Variants in NOTCH2 observed in about 807,000 individuals in gnomAD.
The protein encoded by NOTCH2 is neurogenic locus notch homolog protein 2.
In NOTCH2, 29 loss-of-function variants were observed where a neutral mutation model predicts 235.8. The observed-to-expected ratio is 0.12, with a 90% CI of 0.09 to 0.17. The LOEUF (loss-of-function observed/expected upper bound fraction) is 0.17, where lower values mean the gene tolerates loss of function less well. Ranked by LOEUF, NOTCH2 falls within the 10% of genes least tolerant of loss-of-function variation. The pLI, the probability that NOTCH2 is intolerant of heterozygous loss-of-function variation, is 1.00. For missense variants in NOTCH2, 2,285 were observed against 3,150.2 expected (o/e 0.73, Z 6.57); for synonymous variants, 1,086 against 1,141.5 (o/e 0.95, Z 0.98).
At chr1:119,964,559 T>A (rs931072569) in intron 10 of NOTCH2, among the ~76,000 whole-genome samples, 2 of 152,220 alleles carry the variant, frequency 1.3e-5, no homozygotes, top group Non-Finnish European at 2.9e-5. Flanking sequence ...AAGTGGCTCA[T>A]CTGAGTTGTC....
rs1131692007 is a variant in NOTCH2 at position 120,005,329 on chromosome 1, C to G, written c.415G>C (p.Gly139Arg). ...CACTGGCTTTGGTCTCATTAGTTAC[C>G]TGTAAACCCGACTTGACAGGTGCAC... is the stretch of plus-strand genomic sequence containing the variant. ...YECTCQVGFTGKECQWTDACL... is the reference protein window; with the variant it reads ...YECTCQVGFTRKECQWTDACL... Residue 139 changes from glycine (G) to arginine (R), a missense_variant and splice_region_variant, in exon 3 of 34, where the codon GGT becomes CGT. This residue lies in a region of NOTCH2 where 431 missense variants were observed against 757.8 expected (regional missense o/e 0.57). Coordinates refer to ENST00000256646, the MANE Select transcript of NOTCH2 (RefSeq NM_024408.4). 6 of 1,614,036 alleles carry G rather than the reference C, an allele frequency of 3.7e-6. No individual in the cohort carries two copies. The highest frequency in any genetic ancestry group is 5.1e-6 in the Non-Finnish European group (6 of 1,179,874).
chr1:119,918,323 C>T, intron 32 of NOTCH2, 83 bp downstream of exon 32: 8 of 1,487,980 alleles, frequency 5.4e-6, no homozygotes, highest in East Asian at 2.3e-5. Flanking sequence ...TCAGGCAGTT[C>T]TCTAAGGGTC....
chr1:119,918,613 C>CA, intron 31 of NOTCH2, 60 bp from the exon 32 acceptor site: 1 of 1,574,042 alleles, frequency 6.4e-7, no homozygotes, highest in East Asian at 2.2e-5. Flanking sequence ...TAATGAAACT[C>CA]AGTGAAGAAA....
chr1:119,974,177 A>G (rs1651474594), intron 5 of NOTCH2, among the ~76,000 whole-genome samples: 1 of 152,240 alleles, frequency 6.6e-6, no homozygotes, highest in African/African-American at 2.4e-5. Context: ...TAAATCTTCA[A>G]TACAAACAAG....
chr1:119,916,251 A>C lies in NOTCH2; in HGVS notation c.6471T>G (p.Pro2157=), dbSNP rs898051407. ...TLSPVDSLES[P]HTYVSDTTSS... is the part of the protein sequence containing the mutation. The stretch of plus-strand genomic sequence containing the variant: ...ATGTGGTGTCGGAAACATACGTGTG[A>C]GGAGATTCTAGGGAATCAACAGGGG... Residue 2157 remains proline, a synonymous_variant, in exon 34 of 34, where the codon CCT becomes CCG. Transcript: ENST00000256646. 1.2e-6 allele frequency: 2 copies of C among 1,614,232 alleles called. No homozygotes were observed. The highest frequency in any genetic ancestry group is 3.3e-5 in the Admixed American group (2 of 60,032).
At position 119,913,140 on chromosome 1, in the gene NOTCH2, G is replaced by A. The variant is rs1233473483; in HGVS notation, c.*2166C>T. 4 of 233,204 alleles carry A rather than the reference G, an allele frequency of 1.7e-5. No homozygotes were observed. Among genetic ancestry groups the A allele is most frequent in the Non-Finnish European group, 3.4e-5 (4 of 118,080 alleles). 14.4% of individuals were successfully genotyped at this position (233,204 alleles called of 1,614,324 possible). A position where few individuals can be genotyped will look rare whatever the true frequency, so the allele number is the denominator to read the frequency against. On this transcript the variant is annotated 3_prime_UTR_variant, in exon 34 of 34. Transcript: ENST00000256646. ...TAATAAATGGGTCCAAGGGCAGAGA[G>A]TCACCATTTAGAATGATAAAATGTT...
intron 31 of NOTCH2, among the ~76,000 whole-genome samples, 171 bp downstream of exon 31, chr1:119,919,141 T>C (rs1649185266): frequency 6.6e-6 from 1 of 152,216 alleles, no homozygotes; most frequent in African/African-American, 2.4e-5. Context: ...GCTAGGTCAA[T>C]TTGCCTGCCT....
intron 4 of NOTCH2, among the ~76,000 whole-genome samples, chr1:119,989,095 A>T (rs1476514302): frequency 6.6e-6 from 1 of 152,226 alleles, no homozygotes; most frequent in African/African-American, 2.4e-5. Context: ...AGCTAAAAGC[A>T]TGGCTTCTGG....
At chr1:120,029,137 T>A (rs1653991252) in intron 2 of NOTCH2, among the ~76,000 whole-genome samples, 1 of 149,002 alleles carries the variant, frequency 6.7e-6, no homozygotes, top group Admixed American at 6.7e-5. Flanking sequence ...CATGCACACA[T>A]CTTCCTCTCT....
chr1:120,057,082 T>C (rs1158844244), intron 1 of NOTCH2, among the ~76,000 whole-genome samples: 1 of 121,800 alleles, frequency 8.2e-6, no homozygotes, highest in Non-Finnish European at 1.5e-5. Flanking sequence ...GATGTTCCTA[T>C]TTCCTCATGA....
chr1:120,027,583 C>G (rs1653913845), intron 2 of NOTCH2, among the ~76,000 whole-genome samples: 1 of 151,400 alleles, frequency 6.6e-6, no homozygotes, highest in African/African-American at 2.4e-5. Flanking sequence ...AGGTTTTAAG[C>G]CCCACGTGCA....
intron 1 of NOTCH2, among the ~76,000 whole-genome samples, chr1:120,045,840 C>G (rs1267585344): frequency 1.1e-4 from 17 of 152,388 alleles, no homozygotes; most frequent in African/African-American, 4.1e-4. Flanking sequence ...AATTTACATT[C>G]TGGACCAGTG....
At position 119,997,112 on chromosome 1, in the gene NOTCH2, G is replaced by T. The variant is rs781944624; in HGVS notation, c.636C>A (p.Gly212=). The change falls in exon 4 of 34, where the codon GGC becomes GGA. Residue 212 remains glycine, a synonymous_variant. Coordinates refer to ENST00000256646, the MANE Select transcript of NOTCH2 (RefSeq NM_024408.4). The part of the protein sequence containing the change: ...PGSYQCQCPQ[G]FTGQYCDSLY... ...GGCTGTCACAGTACTGGCCTGTGAA[G>T]CCCTGAGGGCACTGGCACTGGTAGG... is the stretch of plus-strand genomic sequence containing the variant. The T allele has an allele frequency of 1.9e-5, 30 of 1,613,916 alleles. 1 individual carries two copies. The South Asian group carries it at 2.0e-4, about 11-fold the overall frequency.
Position 119,937,321 on chromosome 1 carries a change from C to T in NOTCH2, c.3483G>A (p.Gly1161=), listed in dbSNP as rs559521880. Residue 1161 remains glycine (G), a synonymous_variant, in exon 21 of 34, where the codon GGG becomes GGA. Coordinates refer to ENST00000256646, the MANE Select transcript of NOTCH2 (RefSeq NM_024408.4). The part of the protein sequence containing the change: ...DECASNPCQH[G]ATCSDFIGGY... ...CACCAATGAAGTCACTGCATGTTGCCCCGTGCTGGCAGGGGTTGGACGCAC... is the reference window on the plus strand; with the variant it reads ...CACCAATGAAGTCACTGCATGTTGCTCCGTGCTGGCAGGGGTTGGACGCAC... The T allele has an allele frequency of 3.7e-6, 6 of 1,613,962 alleles. No homozygotes were observed. Among genetic ancestry groups the T allele is most frequent in the African/African-American group, 1.3e-5 (1 of 75,052 alleles).
intron 13 of NOTCH2, among the ~76,000 whole-genome samples, chr1:119,954,805 C>A (rs1650619154): frequency 6.6e-6 from 1 of 152,194 alleles, no homozygotes; most frequent in Admixed American, 6.5e-5. Context: ...TTGCTAATGA[C>A]CCATATAAGG....
chr1:119,922,792 AG>A lies in NOTCH2; in HGVS notation c.4860-15del. On this transcript the variant is annotated splice_polypyrimidine_tract_variant and intron_variant, in intron 26 of 33. Coordinates refer to ENST00000256646, the MANE Select transcript of NOTCH2 (RefSeq NM_024408.4). ...AAGACTTTAGAGCTGTGGGATGCCAAGGGAGAAGCGGAGGAGGAGAGATGGG... is the reference window on the plus strand; with the variant it reads ...AAGACTTTAGAGCTGTGGGATGCCAAGGAGAAGCGGAGGAGGAGAGATGGG... 1.2e-6 allele frequency: 2 copies of A among 1,614,054 alleles called. No homozygotes were observed. Among genetic ancestry groups the A allele is most frequent in the Non-Finnish European group, 1.7e-6 (2 of 1,180,038 alleles).
intron 4 of NOTCH2, chr1:119,996,308 G>T (rs1202499268): frequency 9.8e-6 from 3 of 304,818 alleles, no homozygotes; most frequent in African/African-American, 2.2e-5. Context: ...TAGAACACTT[G>T]TATCAGTGAA....
rs782173943 is a variant in NOTCH2, at chr1:120,069,620, G to C, written c.-214C>G. 0.043 allele frequency: 60,955 copies of C among 1,405,442 alleles called. 1,480 individuals are homozygous for C. Among genetic ancestry groups the C allele is most frequent in the Non-Finnish European group, 0.049 (53,320 of 1,087,418 alleles). 87.1% of individuals were successfully genotyped at this position (1,405,442 alleles called of 1,614,324 possible). On this transcript the variant is annotated 5_prime_UTR_variant, in exon 1 of 34. Coordinates refer to ENST00000256646, the MANE Select transcript of NOTCH2 (RefSeq NM_024408.4). ...TCGGCCGCCGCCTCAGCCGCCGCCCGAAGTTTGGCTGAAACTTTCTCGGGT... is the reference window on the plus strand; with the variant it reads ...TCGGCCGCCGCCTCAGCCGCCGCCCCAAGTTTGGCTGAAACTTTCTCGGGT...
At position 120,041,041 on chromosome 1, in the gene NOTCH2, C is replaced by CAAA. The variant is rs71586698; in HGVS notation, c.74-11057_74-11055dup. 5.2e-3 allele frequency among the ~76,000 whole-genome samples: 82 copies of CAAA among 15,676 alleles called. 7 individuals carry two copies. Among genetic ancestry groups the CAAA allele is most frequent in the Non-Finnish European group, 7.4e-3 (68 of 9,148 alleles). 10.3% of individuals were successfully genotyped at this position (15,676 alleles called of 152,430 possible). A position where few individuals can be genotyped will look rare whatever the true frequency, so the allele number is the denominator to read the frequency against. Reference sequence around the variant, plus strand: ...GGGCGACAGAGCAAGACTCTGCCTGCAAAAAAAAAAAAAAAAAAAAAAAAA... The same window carrying CAAA: ...GGGCGACAGAGCAAGACTCTGCCTGCAAAAAAAAAAAAAAAAAAAAAAAAAAAA... On this transcript the variant is annotated intron_variant, in intron 1 of 33. Transcript: ENST00000256646.
Sources: allele counts gnomAD v4.1 joint callset (sites outside exome capture counted in the v4.1 genomes callset), GRCh38; gene constraint gnomAD v4.1.1; regional missense constraint gnomAD v4.1.1; transcripts MANE v1.5; gene names NCBI Gene and HGNC (gene_info 2026-07-23, HGNC 2026-07-21).